Variants in KLF12 observed in about 807,000 individuals in gnomAD.
The protein encoded by KLF12 is KLF transcription factor 12.
A neutral mutation model predicts 37.8 loss-of-function variants in KLF12; 9 were observed. The ratio of observed to expected loss-of-function variants is 0.24; its 90% CI spans 0.14 to 0.42. The LOEUF is 0.42. KLF12 is among the 10% of genes least tolerant of loss of function. The pLI is 1.00. For missense variants in KLF12, 411 were observed against 516.0 expected (o/e 0.80, Z 1.97); for synonymous variants, 208 against 202.1 (o/e 1.03, Z -0.25).
chr13:74,245,851 G>C, the KLF12 span, among the ~76,000 whole-genome samples: 1 of 152,098 alleles, frequency 6.6e-6, no homozygotes, highest in African/African-American at 2.4e-5. Context: ...CAAAGTTAAC[G>C]TGGAAGACTA....
chr13:73,716,435 CAT>C (rs1875816496), intron 6 of KLF12, among the ~76,000 whole-genome samples: 1 of 152,166 alleles, frequency 6.6e-6, no homozygotes, highest in African/African-American at 2.4e-5. Flanking sequence ...AATATTTTGA[CAT>C]ATTTTCTTCC....
chr13:74,215,368 T>C, the KLF12 span, among the ~76,000 whole-genome samples: 2 of 151,436 alleles, frequency 1.3e-5, no homozygotes, highest in Non-Finnish European at 2.9e-5. Flanking sequence ...CTGTATTCCA[T>C]ATTTAGGATT....
chr13:74,063,528 T>C (rs1873734985), intron 1 of KLF12, among the ~76,000 whole-genome samples: 1 of 152,200 alleles, frequency 6.6e-6, no homozygotes, highest in South Asian at 2.1e-4. Context: ...AGCCAAGATT[T>C]TAATGTCTTA....
intron 3 of KLF12, among the ~76,000 whole-genome samples, chr13:73,875,792 G>A (rs535330795): frequency 1.6e-4 from 24 of 152,172 alleles, no homozygotes; most frequent in Middle Eastern, 3.4e-3. Context: ...TACAGGTTTA[G>A]TATTTTTATA....
the KLF12 span, among the ~76,000 whole-genome samples, chr13:74,249,614 G>C: frequency 6.6e-6 from 1 of 151,948 alleles, no homozygotes. Context: ...TTTAAAATTT[G>C]GTTTTCATTA....
chr13:73,817,361 A>AG (rs398023421), intron 4 of KLF12, among the ~76,000 whole-genome samples: 1 of 151,424 alleles, frequency 6.6e-6, no homozygotes, highest in Non-Finnish European at 1.5e-5. Context: ...AAAAAAAAAA[A>AG]GAAAGAAAAA....
intron 6 of KLF12, among the ~76,000 whole-genome samples, chr13:73,755,473 T>C (rs1281258579): frequency 6.6e-6 from 1 of 152,180 alleles, no homozygotes; most frequent in Non-Finnish European, 1.5e-5. Context: ...TAGGAAAGGC[T>C]CGAGAGACCT....
the KLF12 span, among the ~76,000 whole-genome samples, chr13:74,139,607 T>C: frequency 9.9e-5 from 15 of 152,202 alleles, no homozygotes; most frequent in African/African-American, 3.6e-4. Flanking sequence ...TTCCATTTTC[T>C]CTTTCATATG....
chr13:74,105,187 G>A (rs1876585313), intron 1 of KLF12, among the ~76,000 whole-genome samples: 1 of 152,168 alleles, frequency 6.6e-6, no homozygotes, highest in Non-Finnish European at 1.5e-5. Context: ...ATGCAGACAT[G>A]ACGGTCTATA....
the KLF12 span, among the ~76,000 whole-genome samples, chr13:74,261,103 ACACCAG>A: frequency 1.3e-5 from 2 of 152,170 alleles, no homozygotes; most frequent in African/African-American, 4.8e-5. Context: ...GTGTAACCAA[ACACCAG>A]CTGTTCTCCG....
chr13:73,819,414 T>C (rs1883405438), intron 4 of KLF12, among the ~76,000 whole-genome samples: 2 of 152,200 alleles, frequency 1.3e-5, no homozygotes, highest in South Asian at 4.1e-4. Context: ...ACTATTCAAA[T>C]TAGGCAGTTT....
At chr13:74,190,969 C>T in the KLF12 span, among the ~76,000 whole-genome samples, 1 of 152,158 alleles carries the variant, frequency 6.6e-6, no homozygotes, top group African/African-American at 2.4e-5. Context: ...TTCTTGGGAC[C>T]TGCAGTTACT....
intron 1 of KLF12, among the ~76,000 whole-genome samples, chr13:74,130,748 G>C (rs1201042368): frequency 1.3e-5 from 2 of 151,812 alleles, no homozygotes; most frequent in Non-Finnish European, 2.9e-5. Flanking sequence ...TAATCAGCAT[G>C]CAAGTGGCAA....
intron 7 of KLF12, among the ~76,000 whole-genome samples, chr13:73,701,722 C>A (rs1593976271): frequency 6.6e-6 from 1 of 152,046 alleles, no homozygotes; most frequent in African/African-American, 2.4e-5. Flanking sequence ...GGGTGGCTAG[C>A]TGGGTGATAC....
the KLF12 span, among the ~76,000 whole-genome samples, chr13:74,298,291 G>A: frequency 2.0e-5 from 3 of 152,182 alleles, no homozygotes; most frequent in East Asian, 3.8e-4. Context: ...TGTGTGTCAG[G>A]GAGAAGAAAG....
intron 6 of KLF12, among the ~76,000 whole-genome samples, chr13:73,722,634 T>A (rs1234705610): frequency 6.6e-6 from 1 of 152,170 alleles, no homozygotes; most frequent in Non-Finnish European, 1.5e-5. Context: ...GCCACCCTTT[T>A]CAGAAGCTGT....
intron 1 of KLF12, among the ~76,000 whole-genome samples, chr13:74,029,656 C>T (rs1893066816): frequency 6.6e-6 from 1 of 152,026 alleles, no homozygotes; most frequent in Non-Finnish European, 1.5e-5. Flanking sequence ...TGTTCCCAGG[C>T]ATTTCTCAAC....
At chr13:74,181,039 C>T in the KLF12 span, among the ~76,000 whole-genome samples, 2 of 152,006 alleles carry the variant, frequency 1.3e-5, no homozygotes, top group South Asian at 2.1e-4. Flanking sequence ...TGCTTTGTTG[C>T]CCAGGCTGGA....
chr13:73,798,869 T>TA (rs1388571427), intron 5 of KLF12, among the ~76,000 whole-genome samples: 1 of 152,174 alleles, frequency 6.6e-6, no homozygotes, highest in African/African-American at 2.4e-5. Flanking sequence ...CTCAAAGAGT[T>TA]AAAAGCAGAA....
Sources: allele counts gnomAD v4.1 joint callset (sites outside exome capture counted in the v4.1 genomes callset), GRCh38; gene constraint gnomAD v4.1.1; transcripts MANE v1.5; gene names NCBI Gene and HGNC (gene_info 2026-07-23, HGNC 2026-07-21).